The following DOCK9 variants were observed in gnomAD, a reference collection of about 807,000 sequenced individuals.
DOCK9 encodes dedicator of cytokinesis 9, also known as dedicator of cytokinesis protein 9.
A neutral mutation model predicts 263.3 loss-of-function variants in DOCK9; 89 were observed. The observed-to-expected ratio is 0.34, with a 90% CI of 0.28 to 0.40. The LOEUF is 0.40. Among genes scored for constraint, DOCK9 ranks in the 10% least tolerant of loss-of-function variants. DOCK9 has a pLI of 1.00. For missense variants in DOCK9, 2,140 were observed against 2,603.4 expected, an observed-to-expected ratio of 0.82 and a Z score of 3.87; for synonymous variants, 976 against 973.1, an observed-to-expected ratio of 1.00 and a Z score of -0.06.
At chr13:98,812,645 A>C (rs1276626631) in intron 45 of DOCK9, among the ~76,000 whole-genome samples, 5 of 152,300 alleles carry the variant, frequency 3.3e-5, no homozygotes, top group Non-Finnish European at 5.9e-5. Flanking sequence ...TGATTACACT[A>C]GTTTAAAAAT....
intron 1 of DOCK9, among the ~76,000 whole-genome samples, chr13:99,061,770 T>G (rs1434120340): frequency 6.6e-6 from 1 of 152,118 alleles, no homozygotes; most frequent in Non-Finnish European, 1.5e-5. Context: ...TCTATCCCAT[T>G]CCGGTACTGT....
chr13:98,953,399 T>A (rs2057672999), intron 2 of DOCK9, among the ~76,000 whole-genome samples: 1 of 152,230 alleles, frequency 6.6e-6, no homozygotes, highest in African/African-American at 2.4e-5. Context: ...TTTCTCAAAG[T>A]TTAAACTGTC....
intron 1 of DOCK9, among the ~76,000 whole-genome samples, chr13:99,013,028 T>C (rs191947487): frequency 7.2e-5 from 11 of 152,196 alleles, no homozygotes; most frequent in Non-Finnish European, 4.4e-5. Flanking sequence ...GCATTTACTA[T>C]AGAGCCAGGC....
chr13:99,017,553 A>C (rs1595916989), intron 1 of DOCK9, among the ~76,000 whole-genome samples: 4 of 152,348 alleles, frequency 2.6e-5, no homozygotes, highest in Admixed American at 2.6e-4. Flanking sequence ...AGAATTAGAA[A>C]TAACCAAGCA....
At chr13:99,015,395 G>A (rs771351636) in intron 1 of DOCK9, 14 of 1,428,840 alleles carry the variant, frequency 9.8e-6, no homozygotes, top group Non-Finnish European at 1.3e-5. Flanking sequence ...GTAAAGACTA[G>A]TTTATTCTAA....
intron 33 of DOCK9, chr13:98,858,294 G>A (rs2093757318): frequency 6.6e-6 from 1 of 152,200 alleles, no homozygotes. Flanking sequence ...AAGAAACCCT[G>A]AGCCTCAGGA....
intron 3 of DOCK9, among the ~76,000 whole-genome samples, chr13:98,926,134 TA>T (rs2052921759): frequency 6.6e-6 from 1 of 152,216 alleles, no homozygotes; most frequent in African/African-American, 2.4e-5. Flanking sequence ...AGTATCACTT[TA>T]AGTTATCATC....
chr13:98,801,716 C>T (rs1292119728), intron 49 of DOCK9, among the ~76,000 whole-genome samples: 6 of 152,014 alleles, frequency 3.9e-5, no homozygotes, highest in Non-Finnish European at 7.4e-5. Context: ...AACAAGCAAA[C>T]GTCAGATGGG....
chr13:98,797,060 T>C lies in DOCK9; in HGVS notation c.6156+55A>G, dbSNP rs149358720. 1.7e-5 allele frequency: 28 copies of C among 1,603,064 alleles called. No individual in the cohort carries two copies. In the East Asian group the frequency reaches 6.2e-4, roughly 36 times the overall value. The stretch of plus-strand genomic sequence containing the variant: ...AGGCGGCCTAAGTCATGATAGGGTG[T>C]ACTTGAAACCCCTAACCAAGAACTC... On this transcript the variant is annotated intron_variant, in intron 52 of 52. Transcript: ENST00000682017.
chr13:98,826,651 G>A (rs2092551607), intron 44 of DOCK9, among the ~76,000 whole-genome samples, 179 bp downstream of exon 44: 1 of 258 alleles, frequency 3.9e-3, no homozygotes, highest in Admixed American at 0.071. Flanking sequence ...TCTAGTCCTG[G>A]CAATTTCTGC....
chr13:99,084,486 A>T (rs370217015), intron 1 of DOCK9, among the ~76,000 whole-genome samples: 2 of 152,214 alleles, frequency 1.3e-5, no homozygotes, highest in East Asian at 3.8e-4. Context: ...GTGTCCAGGG[A>T]AAACGGATGT....
At chr13:98,957,591 A>G (rs2058196003) in intron 1 of DOCK9, among the ~76,000 whole-genome samples, 1 of 152,010 alleles carries the variant, frequency 6.6e-6, no homozygotes. Flanking sequence ...AATTATTTTT[A>G]AATAAGAATT....
chr13:98,860,979 C>CA (rs2093852083), intron 32 of DOCK9, among the ~76,000 whole-genome samples: 1 of 152,146 alleles, frequency 6.6e-6, no homozygotes, highest in South Asian at 2.1e-4. Context: ...TGTGAACTCT[C>CA]AGTCAGTGGA....
intron 1 of DOCK9, among the ~76,000 whole-genome samples, chr13:99,068,706 G>A (rs952017827): frequency 6.7e-6 from 1 of 149,412 alleles, no homozygotes; most frequent in Non-Finnish European, 1.5e-5. Flanking sequence ...AGTTACTTTC[G>A]ATCTTTTAGG....
chr13:98,889,671 T>G (rs1239228441), intron 15 of DOCK9, among the ~76,000 whole-genome samples: 2 of 152,218 alleles, frequency 1.3e-5, no homozygotes, highest in Non-Finnish European at 2.9e-5. Context: ...CCCTGAAACT[T>G]CTACTCACCA....
rs1334346093 is a variant in DOCK9, at chr13:98,860,260, T to C, written c.3697+145A>G. The stretch of plus-strand genomic sequence containing the variant: ...TGGCTGAGGGGTTTCAGTTGTTGAC[T>C]ATCACAAGCAGGAAAAGAATACTCA... On this transcript the variant is annotated intron_variant, in intron 33 of 52. Transcript: ENST00000682017. 13 of 1,464,810 alleles carry C rather than the reference T, an allele frequency of 8.9e-6. No homozygotes were observed. In the African/African-American group the frequency reaches 1.8e-4, roughly 21 times the overall value. 90.7% of individuals were successfully genotyped at this position (1,464,810 alleles called of 1,614,324 possible). A position where few individuals can be genotyped will look rare whatever the true frequency, so the allele number is the denominator to read the frequency against.
chr13:99,074,368 T>A (rs1162515381), intron 1 of DOCK9, among the ~76,000 whole-genome samples: 3 of 152,258 alleles, frequency 2.0e-5, no homozygotes, highest in Non-Finnish European at 2.9e-5. Context: ...TGTTATTCAA[T>A]GTCTATGGTA....
intron 27 of DOCK9, among the ~76,000 whole-genome samples, chr13:98,869,479 T>C (rs2142138537): frequency 1.3e-5 from 2 of 152,352 alleles, no homozygotes; most frequent in South Asian, 4.1e-4. Context: ...GCACTTCCCC[T>C]GTGTCTATAA....
chr13:99,023,468 T>C (rs142416310), intron 1 of DOCK9, among the ~76,000 whole-genome samples: 5 of 152,368 alleles, frequency 3.3e-5, no homozygotes, highest in African/African-American at 1.2e-4. Flanking sequence ...AGTTGCCAGG[T>C]GCTGGGAGAA....
Sources: allele counts gnomAD v4.1 joint callset (sites outside exome capture counted in the v4.1 genomes callset), GRCh38; gene constraint gnomAD v4.1.1; transcripts MANE v1.5; gene names NCBI Gene and HGNC (gene_info 2026-07-23, HGNC 2026-07-21).